SHISA9: variants seen among roughly 807,000 people sequenced by gnomAD.
SHISA9 encodes the protein protein shisa-9.
Under a neutral mutation model 38.0 loss-of-function variants are expected in SHISA9, and 13 were observed. That is an observed-to-expected ratio of 0.34 (90% CI 0.22 to 0.54). The LOEUF is 0.54. Ranked by LOEUF, SHISA9 falls within the 20% of genes least tolerant of loss-of-function variation. SHISA9 has a pLI of 0.91. For missense variants in SHISA9, 538 were observed against 575.8 expected, an observed-to-expected ratio of 0.93 and a Z score of 0.67; for synonymous variants, 275 against 242.0, an observed-to-expected ratio of 1.14 and a Z score of -1.27.
the SHISA9 span, among the ~76,000 whole-genome samples, chr16:13,350,019 G>C: frequency 3.3e-5 from 5 of 152,144 alleles, no homozygotes; most frequent in Admixed American, 2.0e-4. Flanking sequence ...ATTATTTCTG[G>C]GTGTGTCTGT....
At chr16:13,278,715 A>G in the SHISA9 span, among the ~76,000 whole-genome samples, 1 of 152,074 alleles carries the variant, frequency 6.6e-6, no homozygotes, top group Admixed American at 6.6e-5. Context: ...AGGTGTTCAT[A>G]GTAGCTGCAA....
At chr16:13,486,854 G>A in the SHISA9 span, among the ~76,000 whole-genome samples, 7 of 152,266 alleles carry the variant, frequency 4.6e-5, no homozygotes, top group African/African-American at 1.4e-4. Flanking sequence ...ACAGGCATGC[G>A]CCACCGCACC....
chr16:13,288,573 A>G, the SHISA9 span, among the ~76,000 whole-genome samples: 1 of 152,132 alleles, frequency 6.6e-6, no homozygotes, highest in African/African-American at 2.4e-5. Context: ...AGGCAGGTGG[A>G]TCATGAGGTC....
chr16:13,419,931 G>A, the SHISA9 span, among the ~76,000 whole-genome samples: 23 of 152,120 alleles, frequency 1.5e-4, no homozygotes, highest in African/African-American at 5.6e-4. Flanking sequence ...TAATCACTGT[G>A]AATAAGAACA....
chr16:13,479,801 G>T, the SHISA9 span, among the ~76,000 whole-genome samples: 1 of 152,166 alleles, frequency 6.6e-6, no homozygotes, highest in Non-Finnish European at 1.5e-5. Flanking sequence ...GGTAAAGCTG[G>T]TTCAGTTCTA....
At chr16:13,469,380 A>G in the SHISA9 span, among the ~76,000 whole-genome samples, 6 of 106,732 alleles carry the variant, frequency 5.6e-5, no homozygotes, top group African/African-American at 2.1e-4. Context: ...AAAGAAAGAA[A>G]GAAAGAAAGA....
chr16:13,137,011 G>A (rs998803), intron 2 of SHISA9, among the ~76,000 whole-genome samples: 60,705 of 151,998 alleles, frequency 0.4, 13,971 homozygotes, highest in Non-Finnish European at 0.5. Context: ...GTCTGTCTCC[G>A]AGTAGAATTA....
At chr16:12,908,337 G>T in intron 1 of SHISA9, 1 of 1,336,632 alleles carries the variant, frequency 7.5e-7, no homozygotes, top group South Asian at 1.5e-5. Flanking sequence ...GAATAGGAGG[G>T]AGGGTCTATA....
the SHISA9 span, among the ~76,000 whole-genome samples, chr16:13,432,704 A>G: frequency 0.018 from 2,764 of 152,292 alleles, 45 homozygotes; most frequent in African/African-American, 0.033. Flanking sequence ...TAATTTTGGT[A>G]TCAAGATGTT....
Position 12,902,487 on chromosome 16 carries a change from C to G in SHISA9, c.423C>G (p.Pro141=). ...TGKPPARKDD[P]LHDPTKDKTN... ...AGCCCCCCGCCCGCAAGGACGACCCCTTGCACGACCCCACCAAGGACAAGA... is the reference window on the plus strand; with the variant it reads ...AGCCCCCCGCCCGCAAGGACGACCCGTTGCACGACCCCACCAAGGACAAGA... The change falls in exon 1 of 5, where the codon CCC becomes CCG. Residue 141 remains proline (P), a synonymous_variant. Coordinates refer to ENST00000558583, the MANE Select transcript of SHISA9 (RefSeq NM_001145204.3). The G allele has an allele frequency of 6.4e-7, 1 of 1,551,574 alleles. No homozygotes were observed. Among genetic ancestry groups the G allele is most frequent in the Admixed American group, 2.0e-5 (1 of 51,010 alleles).
intron 2 of SHISA9, among the ~76,000 whole-genome samples, chr16:13,129,446 T>C (rs1043153236): frequency 1.3e-5 from 2 of 152,146 alleles, no homozygotes; most frequent in African/African-American, 4.8e-5. Context: ...GGGGACTAGA[T>C]GGGAGGGTTT....
At chr16:13,272,555 T>C in the SHISA9 span, among the ~76,000 whole-genome samples, 3 of 152,174 alleles carry the variant, frequency 2.0e-5, no homozygotes, top group South Asian at 6.2e-4. Flanking sequence ...TGAGTAAAAT[T>C]GATGAAGAGA....
At chr16:13,289,467 T>C in the SHISA9 span, among the ~76,000 whole-genome samples, 1 of 152,064 alleles carries the variant, frequency 6.6e-6, no homozygotes, top group South Asian at 2.1e-4. Context: ...GGGAATTACT[T>C]TCAGTTGTGG....
chr16:13,500,652 G>A, the SHISA9 span, among the ~76,000 whole-genome samples: 3 of 151,716 alleles, frequency 2.0e-5, no homozygotes, highest in Non-Finnish European at 2.9e-5. Context: ...CAGGGGGTTG[G>A]GGGAGAGAGA....
chr16:13,301,642 T>C, the SHISA9 span, among the ~76,000 whole-genome samples: 1 of 152,196 alleles, frequency 6.6e-6, no homozygotes, highest in Non-Finnish European at 1.5e-5. Flanking sequence ...TGAAAGGGTA[T>C]TTAATTTCCT....
At chr16:13,360,631 A>G in the SHISA9 span, among the ~76,000 whole-genome samples, 22 of 152,142 alleles carry the variant, frequency 1.4e-4, no homozygotes, top group African/African-American at 4.3e-4. Context: ...TCTTTCCTTT[A>G]TAAATTACCC....
chr16:13,318,341 G>A, the SHISA9 span, among the ~76,000 whole-genome samples: 1 of 148,466 alleles, frequency 6.7e-6, no homozygotes, highest in Non-Finnish European at 1.5e-5. Flanking sequence ...TTTTCTTTTT[G>A]AGACAGAGTC....
intron 3 of SHISA9, among the ~76,000 whole-genome samples, chr16:13,211,943 C>T (rs933191251): frequency 6.6e-6 from 1 of 152,152 alleles, no homozygotes; most frequent in African/African-American, 2.4e-5. Context: ...ACCGAGTCAT[C>T]CTGGGTGGGC....
intron 2 of SHISA9, among the ~76,000 whole-genome samples, chr16:13,015,251 G>T (rs1301719006): frequency 6.6e-6 from 1 of 152,222 alleles, no homozygotes; most frequent in Non-Finnish European, 1.5e-5. Flanking sequence ...GAGTAGTTGG[G>T]ATGGAGATTA....
Sources: allele counts gnomAD v4.1 joint callset (sites outside exome capture counted in the v4.1 genomes callset), GRCh38; gene constraint gnomAD v4.1.1; transcripts MANE v1.5; gene names NCBI Gene and HGNC (gene_info 2026-07-23, HGNC 2026-07-21).